Variants in ZNF804A observed in about 807,000 individuals in gnomAD.
The protein encoded by ZNF804A is zinc finger protein 804A.
In ZNF804A, 2 loss-of-function variants were observed where a neutral mutation model predicts 16.5. That is an observed-to-expected ratio of 0.12 (90% CI 0.05 to 0.38). ZNF804A has a LOEUF of 0.38. Among genes scored for constraint, ZNF804A ranks in the 10% least tolerant of loss-of-function variants. The pLI is 0.99. For missense variants in ZNF804A, 1,473 were observed against 1,390.7 expected, an observed-to-expected ratio of 1.06 and a Z score of -0.94; for synonymous variants, 534 against 489.6, an observed-to-expected ratio of 1.09 and a Z score of -1.20.
chr2:184,808,948 AC>A (rs1267001257), intron 1 of ZNF804A, among the ~76,000 whole-genome samples: 1 of 151,840 alleles, frequency 6.6e-6, no homozygotes, highest in Non-Finnish European at 1.5e-5. Flanking sequence ...GATTTTCTAA[AC>A]TTTTGTTGTT....
intron 3 of ZNF804A, among the ~76,000 whole-genome samples, chr2:184,934,400 T>G (rs1277258164): frequency 6.6e-6 from 1 of 152,158 alleles, no homozygotes; most frequent in Non-Finnish European, 1.5e-5. Flanking sequence ...AAGCCTCTCT[T>G]ATTATTGTCT....
At chr2:184,883,704 A>G (rs1286609497) in intron 2 of ZNF804A, among the ~76,000 whole-genome samples, 1 of 152,100 alleles carries the variant, frequency 6.6e-6, no homozygotes, top group East Asian at 1.9e-4. Context: ...AAAAAAACAC[A>G]TGATCATCTC....
chr2:184,873,188 G>T (rs927923580), intron 2 of ZNF804A, among the ~76,000 whole-genome samples: 11 of 152,222 alleles, frequency 7.2e-5, no homozygotes, highest in African/African-American at 2.2e-4. Context: ...TGACATTGGG[G>T]TATATAGGTA....
chr2:184,751,927 G>C (rs1013183825), intron 1 of ZNF804A, among the ~76,000 whole-genome samples: 1 of 151,672 alleles, frequency 6.6e-6, no homozygotes, highest in Admixed American at 6.6e-5. Flanking sequence ...AAGCCACAAT[G>C]AGATATCATG....
At chr2:184,886,882 G>A (rs1438058299) in intron 2 of ZNF804A, among the ~76,000 whole-genome samples, 1 of 152,240 alleles carries the variant, frequency 6.6e-6, no homozygotes, top group Non-Finnish European at 1.5e-5. Flanking sequence ...GGGCTGCCAT[G>A]AGGGTCTCTG....
chr2:184,937,659 A>G lies in ZNF804A; in HGVS notation c.2263A>G (p.Lys755Glu). 1 of 1,614,010 alleles carries G rather than the reference A, an allele frequency of 6.2e-7. No homozygotes were observed. The part of the protein sequence containing the change: ...MKHMSQNQAV[K>E]RGYNSVMNES... ...ACACATGAGTCAGAATCAGGCTGTT[A>G]AAAGAGGTTACAATTCTGTCATGAA... The change falls in exon 4 of 4, where the codon AAA becomes GAA. Residue 755 changes from lysine to glutamate, a missense_variant. Lys to Glu is a moderately conservative substitution (Grantham distance 56). Coordinates refer to ENST00000302277, the MANE Select transcript of ZNF804A (RefSeq NM_194250.2).
intron 1 of ZNF804A, among the ~76,000 whole-genome samples, chr2:184,638,427 C>A (rs10165703): frequency 2.6e-5 from 4 of 152,120 alleles, no homozygotes; most frequent in African/African-American, 7.2e-5. Flanking sequence ...AATCTAGGAT[C>A]TTTCATTCTC....
intron 1 of ZNF804A, among the ~76,000 whole-genome samples, chr2:184,662,407 T>A (rs1213282751): frequency 6.6e-6 from 1 of 152,216 alleles, no homozygotes; most frequent in Non-Finnish European, 1.5e-5. Flanking sequence ...AAGTTCCCTC[T>A]TTGTGTGACT....
chr2:184,721,483 T>A (rs1378030964), intron 1 of ZNF804A, among the ~76,000 whole-genome samples: 1 of 151,884 alleles, frequency 6.6e-6, no homozygotes, highest in Non-Finnish European at 1.5e-5. Flanking sequence ...TAAAAAAAAA[T>A]GCTTAACATC....
chr2:184,756,511 T>C (rs1294783347), intron 1 of ZNF804A, among the ~76,000 whole-genome samples: 3 of 152,072 alleles, frequency 2.0e-5, no homozygotes, highest in African/African-American at 7.2e-5. Flanking sequence ...GTATAAATTT[T>C]ATAGGTTTTA....
chr2:184,690,385 A>C (rs1483821064), intron 1 of ZNF804A, among the ~76,000 whole-genome samples: 1 of 152,008 alleles, frequency 6.6e-6, no homozygotes, highest in Non-Finnish European at 1.5e-5. Context: ...TTGTCTATCA[A>C]ATCCTACATG....
At chr2:184,763,717 A>T (rs1265511103) in intron 1 of ZNF804A, among the ~76,000 whole-genome samples, 4 of 125,238 alleles carry the variant, frequency 3.2e-5, no homozygotes, top group African/African-American at 1.2e-4. Flanking sequence ...ATCTTGGCTC[A>T]CTGCAAGCTC....
intron 1 of ZNF804A, among the ~76,000 whole-genome samples, chr2:184,601,674 A>G (rs925321459): frequency 6.6e-6 from 1 of 151,922 alleles, no homozygotes; most frequent in African/African-American, 2.4e-5. Flanking sequence ...GAATTTTGCC[A>G]TTAAAAATCA....
At chr2:184,733,823 T>C (rs1343201900) in intron 1 of ZNF804A, among the ~76,000 whole-genome samples, 1 of 152,156 alleles carries the variant, frequency 6.6e-6, no homozygotes, top group Non-Finnish European at 1.5e-5. Context: ...ATAGTATCCC[T>C]TTATTACTCT....
rs373220821 is a variant in ZNF804A at position 184,783,146 on chromosome 2, T to TG, written c.112-83223_112-83222insG. Among the ~76,000 whole-genome samples, 104 of 133,012 alleles carry TG rather than the reference T, an allele frequency of 7.8e-4. 1 individual carries two copies. The South Asian group carries it at 0.023, about 30-fold the overall frequency. The allele number at this position is 133,012 out of a possible 152,430, so 87.3% of individuals were successfully genotyped here. ...ATTATATAAAAGAGTGAGTTTTTTTTTTTTTTTTTTTTTTTTTAGGTAATA... is the reference window on the plus strand; with the variant it reads ...ATTATATAAAAGAGTGAGTTTTTTTTGTTTTTTTTTTTTTTTTTAGGTAATA... On this transcript the variant is annotated intron_variant, in intron 1 of 3. Coordinates refer to ENST00000302277, the MANE Select transcript of ZNF804A (RefSeq NM_194250.2).
chr2:184,880,917 T>C (rs1684800535), intron 2 of ZNF804A, among the ~76,000 whole-genome samples: 1 of 152,040 alleles, frequency 6.6e-6, no homozygotes, highest in Non-Finnish European at 1.5e-5. Context: ...AAAATGACAA[T>C]TAAATTTCAT....
At chr2:184,738,709 C>A (rs1693670654) in intron 1 of ZNF804A, among the ~76,000 whole-genome samples, 1 of 152,118 alleles carries the variant, frequency 6.6e-6, no homozygotes, top group South Asian at 2.1e-4. Flanking sequence ...GGAAAAGATT[C>A]ATTCTAAGAT....
At chr2:184,903,874 G>T (rs911534493) in intron 2 of ZNF804A, among the ~76,000 whole-genome samples, 1 of 151,800 alleles carries the variant, frequency 6.6e-6, no homozygotes, top group Non-Finnish European at 1.5e-5. Context: ...TTACTTTTGT[G>T]CATGTGACCA....
At chr2:184,610,994 A>G (rs143333864) in intron 1 of ZNF804A, among the ~76,000 whole-genome samples, 1 of 152,322 alleles carries the variant, frequency 6.6e-6, no homozygotes, top group East Asian at 1.9e-4. Flanking sequence ...TGTTATAACA[A>G]AATACCACTG....
Sources: allele counts gnomAD v4.1 joint callset (sites outside exome capture counted in the v4.1 genomes callset), GRCh38; gene constraint gnomAD v4.1.1; transcripts MANE v1.5; gene names NCBI Gene and HGNC (gene_info 2026-07-23, HGNC 2026-07-21).